The following GALNT17 variants were observed in gnomAD, a reference collection of about 807,000 sequenced individuals.
GALNT17 encodes polypeptide N-acetylgalactosaminyltransferase 17.
GALNT17 carries 29 observed loss-of-function variants against 63.7 expected under a neutral mutation model. The ratio of observed to expected loss-of-function variants is 0.46; its 90% CI spans 0.34 to 0.62. GALNT17 has a LOEUF of 0.62. Among genes scored for constraint, GALNT17 ranks in the 20% least tolerant of loss-of-function variants. The probability of loss-of-function intolerance (pLI) is 0.01; values close to 1 mark genes in which losing one functional copy is unlikely to be tolerated. For synonymous variants in GALNT17, 305 were observed against 318.3 expected, an observed-to-expected ratio of 0.96 and a Z score of 0.45; for missense variants, 603 against 799.6, an observed-to-expected ratio of 0.75 and a Z score of 2.97.
In GALNT17 at chr7:71,665,507, T is replaced by C; in HGVS notation, c.1177T>C (p.Tyr393His). Residue 393 changes from tyrosine to histidine, a missense_variant, in exon 7 of 11, where the codon TAC (tyrosine) becomes CAC (histidine). Tyr to His is a moderately conservative substitution (Grantham distance 83). This residue lies in a region of GALNT17 where 336 missense variants were observed against 507.8 expected (regional missense o/e 0.66). Coordinates refer to ENST00000333538, the MANE Select transcript of GALNT17 (RefSeq NM_022479.3). ...KKPYNSNIGF[Y>H]TKRNALRVAE... is the part of the protein sequence containing the mutation. ...GCCATATAATAGCAACATTGGCTTC[T>C]ACACCAAGAGGAATGCTCTTCGCGT... 1 of 1,614,032 alleles carries C rather than the reference T, an allele frequency of 6.2e-7. No individual in the cohort carries two copies. The highest frequency in any genetic ancestry group is 8.5e-7 in the Non-Finnish European group (1 of 1,180,010).
At chr7:71,325,455 A>G (rs1304067308) in intron 1 of GALNT17, among the ~76,000 whole-genome samples, 1 of 152,132 alleles carries the variant, frequency 6.6e-6, no homozygotes, top group African/African-American at 2.4e-5. Context: ...ACCAGATTGC[A>G]TTTTGCTGTG....
intron 9 of GALNT17, among the ~76,000 whole-genome samples, chr7:71,690,115 C>T (rs1354592613): frequency 6.6e-6 from 1 of 151,512 alleles, no homozygotes; most frequent in Non-Finnish European, 1.5e-5. Context: ...ATCTCCGACT[C>T]CTGGGTTCAG....
chr7:71,285,111 C>T (rs752261733), intron 1 of GALNT17, among the ~76,000 whole-genome samples: 7 of 151,956 alleles, frequency 4.6e-5, no homozygotes, highest in Admixed American at 1.3e-4. Flanking sequence ...TAAAGAAAGC[C>T]GACAAATACC....
intron 1 of GALNT17, among the ~76,000 whole-genome samples, chr7:71,260,026 C>T (rs1790358399): frequency 6.6e-6 from 1 of 152,142 alleles, no homozygotes; most frequent in African/African-American, 2.4e-5. Context: ...AGAGGGATCA[C>T]TGTCATCAAA....
At chr7:71,273,359 T>C (rs1358558120) in intron 1 of GALNT17, among the ~76,000 whole-genome samples, 3 of 152,238 alleles carry the variant, frequency 2.0e-5, no homozygotes, top group Admixed American at 6.5e-5. Context: ...TCTTGAACTA[T>C]TTGTTTCACT....
At chr7:71,228,811 A>G (rs2116439497) in intron 1 of GALNT17, among the ~76,000 whole-genome samples, 1 of 152,290 alleles carries the variant, frequency 6.6e-6, no homozygotes, top group East Asian at 1.9e-4. Flanking sequence ...CCCTAACTTG[A>G]TCACATTTGC....
chr7:71,401,438 T>A (rs190781473), intron 3 of GALNT17, among the ~76,000 whole-genome samples: 18 of 152,214 alleles, frequency 1.2e-4, no homozygotes, highest in East Asian at 7.7e-4. Context: ...TTCACTTTTT[T>A]AATTTACCTT....
At chr7:71,428,068 T>C (rs1786792127) in intron 5 of GALNT17, among the ~76,000 whole-genome samples, 1 of 152,202 alleles carries the variant, frequency 6.6e-6, no homozygotes, top group African/African-American at 2.4e-5. Flanking sequence ...GTTTTGTTTA[T>C]GATGTTCTTA....
At chr7:71,239,381 A>G (rs1789954144) in intron 1 of GALNT17, among the ~76,000 whole-genome samples, 1 of 152,192 alleles carries the variant, frequency 6.6e-6, no homozygotes, top group Non-Finnish European at 1.5e-5. Flanking sequence ...CTGAGGCAAA[A>G]GGATCACTTG....
intron 6 of GALNT17, among the ~76,000 whole-genome samples, chr7:71,621,912 AT>A (rs1790301057): frequency 6.6e-6 from 1 of 152,118 alleles, no homozygotes; most frequent in South Asian, 2.1e-4. Flanking sequence ...CTGGGGTTCA[AT>A]TTTTTTCATT....
intron 5 of GALNT17, among the ~76,000 whole-genome samples, chr7:71,558,416 A>G (rs1167690236): frequency 6.6e-6 from 1 of 152,008 alleles, no homozygotes; most frequent in Middle Eastern, 3.2e-3. Flanking sequence ...TAGTGTTCCC[A>G]TCATCATCAT....
chr7:71,560,338 T>G (rs1334242157), intron 5 of GALNT17, among the ~76,000 whole-genome samples: 2 of 152,148 alleles, frequency 1.3e-5, no homozygotes, highest in African/African-American at 4.8e-5. Context: ...CCTGGTCTTT[T>G]GGCCACCGTG....
At chr7:71,349,579 G>A (rs534622778) in intron 2 of GALNT17, among the ~76,000 whole-genome samples, 1 of 152,190 alleles carries the variant, frequency 6.6e-6, no homozygotes, top group Admixed American at 6.6e-5. Flanking sequence ...AAAGGAAGAC[G>A]TGACGGAACC....
chr7:71,414,433 C>G (rs540483485), intron 3 of GALNT17, among the ~76,000 whole-genome samples: 18 of 152,206 alleles, frequency 1.2e-4, no homozygotes, highest in African/African-American at 4.3e-4. Context: ...AGCCATAAGG[C>G]TAGTACCAAA....
intron 9 of GALNT17, among the ~76,000 whole-genome samples, chr7:71,698,673 A>G (rs1791580503): frequency 6.6e-6 from 1 of 152,096 alleles, no homozygotes; most frequent in Non-Finnish European, 1.5e-5. Flanking sequence ...CAACTAATCC[A>G]AGCAAAGGCA....
intron 1 of GALNT17, among the ~76,000 whole-genome samples, chr7:71,282,664 A>G (rs1790798377): frequency 7.1e-6 from 1 of 140,990 alleles, no homozygotes; most frequent in African/African-American, 2.5e-5. Context: ...CCTGAGTCCT[A>G]TGGACTCAGG....
At chr7:71,335,970 G>T (rs1376704725) in intron 2 of GALNT17, among the ~76,000 whole-genome samples, 1 of 149,982 alleles carries the variant, frequency 6.7e-6, no homozygotes, top group Non-Finnish European at 1.5e-5. Flanking sequence ...AATACAAAAA[G>T]CTTTGTATTT....
intron 1 of GALNT17, among the ~76,000 whole-genome samples, chr7:71,139,526 C>T (rs1032866010): frequency 2.0e-5 from 3 of 152,128 alleles, no homozygotes; most frequent in Non-Finnish European, 4.4e-5. Flanking sequence ...AGTCCTGCCC[C>T]CAAGCCACTC....
intron 2 of GALNT17, among the ~76,000 whole-genome samples, chr7:71,352,708 T>C (rs1014027388): frequency 2.0e-5 from 3 of 152,172 alleles, no homozygotes; most frequent in Non-Finnish European, 2.9e-5. Flanking sequence ...GAGCTGGAGA[T>C]GTGGCAGCAG....
Sources: allele counts gnomAD v4.1 joint callset (sites outside exome capture counted in the v4.1 genomes callset), GRCh38; gene constraint gnomAD v4.1.1; regional missense constraint gnomAD v4.1.1; transcripts MANE v1.5; gene names NCBI Gene and HGNC (gene_info 2026-07-23, HGNC 2026-07-21).